UBR1: variants seen among roughly 807,000 people sequenced by gnomAD.
The protein encoded by UBR1 is ubiquitin protein ligase E3 component n-recognin 1.
In UBR1, 102 loss-of-function variants were observed where a neutral mutation model predicts 242.1. That is an observed-to-expected ratio of 0.42 (90% CI 0.36 to 0.50). The LOEUF (loss-of-function observed/expected upper bound fraction) is 0.50. Ranked by LOEUF, UBR1 falls within the 20% of genes least tolerant of loss-of-function variation. The probability of loss-of-function intolerance (pLI) is 0.01; values close to 1 mark genes in which losing one functional copy is unlikely to be tolerated. For synonymous variants in UBR1, 675 were observed against 684.8 expected, an observed-to-expected ratio of 0.99 and a Z score of 0.22; for missense variants, 1,772 against 2,101.8, an observed-to-expected ratio of 0.84 and a Z score of 3.07.
At position 42,944,289 on chromosome 15, in the gene UBR1, A is replaced by T. The variant is rs1313788292; in HGVS notation, c.*1040T>A. The T allele has an allele frequency of 6.6e-6, 1 of 152,652 alleles. No homozygotes were observed. Among genetic ancestry groups the T allele is most frequent in the Non-Finnish European group, 1.5e-5 (1 of 68,036 alleles). 9.5% of individuals were successfully genotyped at this position (152,652 alleles called of 1,614,324 possible). ...AGATGGCTCAACCACAGCATGTTAT[A>T]ACAGGACACAGACTATTGATCACAT... is the stretch of plus-strand genomic sequence containing the variant. On this transcript the variant is annotated 3_prime_UTR_variant, in exon 47 of 47. Transcript: ENST00000290650.
At chr15:42,956,458 T>C (rs2031922819) in intron 44 of UBR1, among the ~76,000 whole-genome samples, 1 of 152,202 alleles carries the variant, frequency 6.6e-6, no homozygotes, top group South Asian at 2.1e-4. Flanking sequence ...TAGCTGGGAT[T>C]ACAGGTGCGC....
chr15:43,041,730 ACAGGGTAAAAAGG>A (rs1480650691), intron 15 of UBR1, among the ~76,000 whole-genome samples: 1 of 152,212 alleles, frequency 6.6e-6, no homozygotes, highest in Non-Finnish European at 1.5e-5. Context: ...AAGACCATCA[ACAGGGTAAAAAGG>A]CAACCCACAG....
intron 45 of UBR1, 49 bp downstream of exon 45, chr15:42,952,229 C>A (rs1295119968): frequency 6.2e-7 from 1 of 1,612,746 alleles, no homozygotes; most frequent in South Asian, 1.1e-5. Flanking sequence ...CAGATTGGAT[C>A]CAGATTCCTT....
At chr15:43,082,537 A>G (rs1187020083) in intron 3 of UBR1, 101 bp downstream of exon 3, 1 of 879,856 alleles carries the variant, frequency 1.1e-6, no homozygotes, top group Non-Finnish European at 1.9e-6. Context: ...ATGTTCACAT[A>G]TCAGAGCTGT....
chr15:42,988,753 T>G (rs1055859265), intron 35 of UBR1, 66 bp downstream of exon 35: 4 of 1,601,040 alleles, frequency 2.5e-6, no homozygotes, highest in Non-Finnish European at 3.4e-6. Flanking sequence ...AAAAAAGAAT[T>G]TAAGAATGAA....
chr15:42,997,885 G>C (rs775000580), intron 33 of UBR1, among the ~76,000 whole-genome samples: 3 of 152,190 alleles, frequency 2.0e-5, no homozygotes, highest in Non-Finnish European at 4.4e-5. Context: ...TGATTTAGAT[G>C]AATCTTGGAT....
At chr15:43,011,477 T>C (rs1380213371) in intron 29 of UBR1, among the ~76,000 whole-genome samples, 3 of 152,168 alleles carry the variant, frequency 2.0e-5, no homozygotes, top group African/African-American at 7.2e-5. Context: ...AGAATAATAA[T>C]AGGCAATTCC....
chr15:43,010,107 C>T (rs1207310609), intron 29 of UBR1, among the ~76,000 whole-genome samples: 1 of 152,148 alleles, frequency 6.6e-6, no homozygotes, highest in Non-Finnish European at 1.5e-5. Context: ...CTCCTGACCT[C>T]GTGATCTGCC....
chr15:43,020,102 C>T (rs2033088949), intron 27 of UBR1, among the ~76,000 whole-genome samples: 1 of 151,924 alleles, frequency 6.6e-6, no homozygotes, highest in Admixed American at 6.6e-5. Context: ...TGCAGTGGTG[C>T]GATCTTGGCT....
chr15:43,047,311 C>A (rs1328700716), intron 13 of UBR1, 22 bp from the exon 14 acceptor site: 1 of 1,614,062 alleles, frequency 6.2e-7, no homozygotes, highest in South Asian at 1.1e-5. Flanking sequence ...AGTTGGTCAA[C>A]ATACACCTAT....
chr15:43,051,094 T>C (rs760944381), intron 12 of UBR1, among the ~76,000 whole-genome samples: 1 of 152,228 alleles, frequency 6.6e-6, no homozygotes, highest in Non-Finnish European at 1.5e-5. Context: ...CAAAGGAATA[T>C]AAATTGTTCT....
In UBR1 at chr15:43,040,555, T is replaced by C. The variant is rs532106221; in HGVS notation, c.1850-2323A>G. On this transcript the variant is annotated intron_variant, in intron 15 of 46. Coordinates refer to ENST00000290650, the MANE Select transcript of UBR1 (RefSeq NM_174916.3). The stretch of plus-strand genomic sequence containing the variant: ...TAGGCATGGGCAAGGACTTCATGTC[T>C]AAAACACCAAAAGCAATGGCAACAA... Among the ~76,000 whole-genome samples the C allele has an allele frequency of 5.3e-5, 8 of 152,256 alleles. No homozygotes were observed. The South Asian group carries it at 1.0e-3, about 20-fold the overall frequency.
intron 6 of UBR1, among the ~76,000 whole-genome samples, chr15:43,063,396 G>C (rs908658127): frequency 3.9e-5 from 6 of 152,114 alleles, no homozygotes; most frequent in Non-Finnish European, 7.4e-5. Flanking sequence ...TGTTTTTTTA[G>C]AGTCCTACGA....
chr15:43,070,943 A>C lies in UBR1; in HGVS notation c.529-18T>G, dbSNP rs751679101. Reference sequence around the variant, plus strand: ...CGTGAATTCTATAAAAAAGCCGAGAAAAACATACTAGTCAAGATTGTATAC... The same window carrying C: ...CGTGAATTCTATAAAAAAGCCGAGACAAACATACTAGTCAAGATTGTATAC... On this transcript the variant is annotated intron_variant, in intron 4 of 46. Transcript: ENST00000290650. 6.2e-7 allele frequency: 1 copy of C among 1,611,752 alleles called. No homozygotes were observed. Among genetic ancestry groups the C allele is most frequent in the East Asian group, 2.2e-5 (1 of 44,832 alleles).
chr15:43,057,971 G>C (rs796214548), intron 10 of UBR1, among the ~76,000 whole-genome samples: 1 of 151,226 alleles, frequency 6.6e-6, no homozygotes, highest in Non-Finnish European at 1.5e-5. Flanking sequence ...GGGCAGTGGC[G>C]CGATCTTGGC....
intron 1 of UBR1, among the ~76,000 whole-genome samples, chr15:43,099,378 T>C (rs1486778750): frequency 6.6e-6 from 1 of 152,150 alleles, no homozygotes; most frequent in Non-Finnish European, 1.5e-5. Flanking sequence ...GGGTACATTT[T>C]TCTTTGATTT....
intron 15 of UBR1, among the ~76,000 whole-genome samples, chr15:43,039,096 T>G (rs931565802): frequency 2.0e-5 from 3 of 151,888 alleles, no homozygotes; most frequent in African/African-American, 7.2e-5. Flanking sequence ...TTAACAAAAA[T>G]TTTTATTTTT....
intron 22 of UBR1, 75 bp downstream of exon 22, chr15:43,027,701 T>G: frequency 1.4e-6 from 2 of 1,391,284 alleles, no homozygotes; most frequent in South Asian, 2.3e-5. Context: ...ACTTCAGAGC[T>G]TCTACAAAGT....
intron 6 of UBR1, among the ~76,000 whole-genome samples, chr15:43,062,321 A>ATGTATATATG (rs1164720035): frequency 3.3e-5 from 5 of 152,044 alleles, no homozygotes; most frequent in Non-Finnish European, 7.3e-5. Context: ...CTGTACATAT[A>ATGTATATATG]TGTATATATG....
Sources: allele counts gnomAD v4.1 joint callset (sites outside exome capture counted in the v4.1 genomes callset), GRCh38; gene constraint gnomAD v4.1.1; transcripts MANE v1.5; gene names NCBI Gene and HGNC (gene_info 2026-07-23, HGNC 2026-07-21).